The following RBFOX1 variants were observed in gnomAD, a reference collection of about 807,000 sequenced individuals.
The protein encoded by RBFOX1 is RNA binding fox-1 homolog 1, also known as RNA binding protein fox-1 homolog 1.
RBFOX1 carries 8 observed loss-of-function variants against 57.7 expected under a neutral mutation model. The ratio of observed to expected loss-of-function variants is 0.14; its 90% CI spans 0.08 to 0.25. RBFOX1 has a LOEUF of 0.25. Among genes scored for constraint, RBFOX1 ranks in the 10% least tolerant of loss-of-function variants. The pLI, the probability that RBFOX1 is intolerant of heterozygous loss-of-function variation, is 1.00. For synonymous variants in RBFOX1, 326 were observed against 222.4 expected, an observed-to-expected ratio of 1.47 and a Z score of -4.15; for missense variants, 611 against 548.5, an observed-to-expected ratio of 1.11 and a Z score of -1.14.
intron 10 of RBFOX1, among the ~76,000 whole-genome samples, chr16:7,613,936 G>C (rs2057999689): frequency 1.3e-5 from 2 of 152,142 alleles, no homozygotes; most frequent in African/African-American, 4.8e-5. Flanking sequence ...AGGGTGATTT[G>C]GCTATAAAAA....
chr16:5,603,404 T>C (rs1023364893), downstream of RBFOX1, among the ~76,000 whole-genome samples: 3 of 152,118 alleles, frequency 2.0e-5, no homozygotes, highest in Admixed American at 2.0e-4. Flanking sequence ...GGGGAAGCAG[T>C]CTGAAATTCA....
chr16:5,909,283 T>A (rs752370883), intron 4 of RBFOX1, among the ~76,000 whole-genome samples: 7 of 151,844 alleles, frequency 4.6e-5, no homozygotes, highest in Admixed American at 1.3e-4. Flanking sequence ...TAGTAGAGAC[T>A]GGGTTTCACT....
chr16:5,279,150 G>A lies in RBFOX1; in HGVS notation c.219+39045G>A, dbSNP rs1428067321. Among the ~76,000 whole-genome samples the A allele has an allele frequency of 2.6e-5, 4 of 152,004 alleles. No homozygotes were observed. In the East Asian group the frequency reaches 7.7e-4, roughly 29 times the overall value. Reference sequence around the variant, plus strand: ...GAATATAATTGATAGGGATTATACTGAATCTCTAGATTGCTTCGGGTAGTA... The same window carrying A: ...GAATATAATTGATAGGGATTATACTAAATCTCTAGATTGCTTCGGGTAGTA... On this transcript the variant is annotated intron_variant, in intron 1 of 2. Coordinates refer to the RBFOX1 transcript ENST00000585867.
intron 2 of RBFOX1, among the ~76,000 whole-genome samples, chr16:6,427,452 A>G (rs1043647534): frequency 2.0e-5 from 3 of 152,208 alleles, no homozygotes; most frequent in African/African-American, 7.2e-5. Flanking sequence ...ATTTTATGCA[A>G]TGAAAGTGCC....
At chr16:7,629,186 G>C (rs559525992) in intron 10 of RBFOX1, among the ~76,000 whole-genome samples, 8 of 152,302 alleles carry the variant, frequency 5.3e-5, no homozygotes, top group African/African-American at 1.7e-4. Flanking sequence ...AGTGGATGGA[G>C]TTGTCAGACC....
intron 2 of RBFOX1, among the ~76,000 whole-genome samples, chr16:6,433,876 C>G (rs1382621796): frequency 7.2e-6 from 1 of 138,054 alleles, no homozygotes; most frequent in East Asian, 2.1e-4. Flanking sequence ...AGATGGGGGT[C>G]TCACTCTGTT....
intron 2 of RBFOX1, among the ~76,000 whole-genome samples, chr16:6,388,881 G>A (rs1419901135): frequency 6.6e-6 from 1 of 152,160 alleles, no homozygotes; most frequent in Non-Finnish European, 1.5e-5. Flanking sequence ...AAAAAAAGTT[G>A]AACTCACAGA....
intron 2 of RBFOX1, among the ~76,000 whole-genome samples, chr16:6,469,468 C>T (rs761023791): frequency 2.0e-5 from 3 of 152,058 alleles, no homozygotes; most frequent in South Asian, 2.1e-4. Flanking sequence ...GAGGAATTGG[C>T]GTGATTTTAA....
At chr16:7,256,060 G>C (rs1397803292) in intron 4 of RBFOX1, among the ~76,000 whole-genome samples, 2 of 152,100 alleles carry the variant, frequency 1.3e-5, no homozygotes, top group Non-Finnish European at 2.9e-5. Flanking sequence ...TTGTAATTTG[G>C]AATTAAAATA....
intron 1 of RBFOX1, among the ~76,000 whole-genome samples, chr16:5,268,532 A>G (rs1879365046): frequency 6.6e-6 from 1 of 152,270 alleles, no homozygotes; most frequent in African/African-American, 2.4e-5. Flanking sequence ...ACTGTGGCTC[A>G]CCAGGTCCAA....
At chr16:6,582,960 T>C (rs767862867) in intron 2 of RBFOX1, among the ~76,000 whole-genome samples, 3 of 152,062 alleles carry the variant, frequency 2.0e-5, no homozygotes, top group South Asian at 4.2e-4. Flanking sequence ...CTCCTTTCCT[T>C]GAATCTATTA....
chr16:5,883,214 G>T (rs1455763658), intron 4 of RBFOX1, among the ~76,000 whole-genome samples: 1 of 151,748 alleles, frequency 6.6e-6, no homozygotes, highest in African/African-American at 2.4e-5. Flanking sequence ...GAGAGGATGT[G>T]GAACAAAAGC....
chr16:7,098,714 C>A (rs903576337), intron 4 of RBFOX1, among the ~76,000 whole-genome samples: 3 of 152,034 alleles, frequency 2.0e-5, no homozygotes, highest in African/African-American at 7.2e-5. Context: ...GTTTTGGAAA[C>A]TGAGGCAGGA....
intron 2 of RBFOX1, among the ~76,000 whole-genome samples, chr16:6,509,750 A>G (rs1281527353): frequency 6.6e-6 from 1 of 152,186 alleles, no homozygotes; most frequent in Non-Finnish European, 1.5e-5. Context: ...ATTTACCCTG[A>G]TGTGATTATT....
intron 2 of RBFOX1, among the ~76,000 whole-genome samples, chr16:6,521,529 C>A (rs912033634): frequency 6.9e-6 from 1 of 145,440 alleles, no homozygotes; most frequent in Non-Finnish European, 1.5e-5. Context: ...TTCCCTCCCT[C>A]CTTCCTCTCC....
intron 2 of RBFOX1, among the ~76,000 whole-genome samples, chr16:6,541,185 C>A (rs993727935): frequency 6.6e-6 from 1 of 152,138 alleles, no homozygotes; most frequent in Non-Finnish European, 1.5e-5. Flanking sequence ...TCATTCTATG[C>A]GGTAATGGCT....
intron 2 of RBFOX1, among the ~76,000 whole-genome samples, chr16:6,537,119 C>T (rs764383136): frequency 2.0e-5 from 3 of 152,042 alleles, no homozygotes; most frequent in African/African-American, 4.8e-5. Context: ...ACCAGTGTTT[C>T]TCAAGCTTTT....
At chr16:7,143,901 C>G (rs1462137554) in intron 4 of RBFOX1, among the ~76,000 whole-genome samples, 1 of 152,122 alleles carries the variant, frequency 6.6e-6, no homozygotes, top group Admixed American at 6.5e-5. Context: ...TCCCTAGGAG[C>G]TATTACTGTA....
chr16:5,652,980 G>A (rs907774613), intron 3 of RBFOX1, among the ~76,000 whole-genome samples: 2 of 152,240 alleles, frequency 1.3e-5, no homozygotes, highest in African/African-American at 4.8e-5. Flanking sequence ...CACTCAACCT[G>A]CTGAGCTGCT....
Sources: gnomAD v4.1 joint callset for allele counts (sites outside exome capture counted in the v4.1 genomes callset) on GRCh38, gnomAD v4.1.1 for gene constraint, MANE v1.5 for transcripts, NCBI Gene and HGNC (gene_info 2026-07-23, HGNC 2026-07-21) for gene names.